The following RAVER2 variants were observed in gnomAD, a reference collection of about 807,000 sequenced individuals.
RAVER2 encodes ribonucleoprotein, PTB binding 2, also known as ribonucleoprotein PTB-binding 2.
Under a neutral mutation model 78.1 loss-of-function variants are expected in RAVER2, and 46 were observed. The ratio of observed to expected loss-of-function variants is 0.59; its 90% CI spans 0.46 to 0.75. The LOEUF (loss-of-function observed/expected upper bound fraction) is 0.75, where lower values mean the gene tolerates loss of function less well. RAVER2 is among the 30% of genes least tolerant of loss of function. The probability of loss-of-function intolerance (pLI) is 0.00; values close to 1 mark genes in which losing one functional copy is unlikely to be tolerated. For synonymous variants in RAVER2, 311 were observed against 313.3 expected, an observed-to-expected ratio of 0.99 and a Z score of 0.08; for missense variants, 793 against 837.5, an observed-to-expected ratio of 0.95 and a Z score of 0.66.
intron 1 of RAVER2, 137 bp from the exon 2 acceptor site, chr1:64,768,519 G>A (rs1004048187): frequency 1.6e-6 from 1 of 637,486 alleles, no homozygotes; most frequent in Admixed American, 3.1e-5. Context: ...TAAGTAATGG[G>A]GATCCATGAA....
chr1:64,831,546 G>A (rs932401391), exon 12 of RAVER2: 8 of 152,338 alleles, frequency 5.3e-5, no homozygotes, highest in Admixed American at 1.3e-4. Context: ...CGGTAAGAGA[G>A]TGACAGTGAT....
intron 5 of RAVER2, among the ~76,000 whole-genome samples, chr1:64,802,028 A>T (rs1653281863): frequency 6.6e-6 from 1 of 152,256 alleles, no homozygotes; most frequent in Non-Finnish European, 1.5e-5. Context: ...GGCAATTCCC[A>T]GAACTGAGGG....
At chr1:64,797,492 G>T (rs979296273) in intron 5 of RAVER2, among the ~76,000 whole-genome samples, 1 of 152,184 alleles carries the variant, frequency 6.6e-6, no homozygotes, top group Non-Finnish European at 1.5e-5. Context: ...ATACAGTGAT[G>T]ATATGAAAAA....
chr1:64,829,129 A>G (rs565941792), intron 11 of RAVER2, among the ~76,000 whole-genome samples: 61 of 152,346 alleles, frequency 4.0e-4, no homozygotes, highest in African/African-American at 1.3e-3. Flanking sequence ...GAATAAAAGA[A>G]TGTAATAAAT....
intron 5 of RAVER2, among the ~76,000 whole-genome samples, chr1:64,798,756 AAATT>A (rs1653174150): frequency 6.6e-6 from 1 of 151,720 alleles, no homozygotes; most frequent in African/African-American, 2.4e-5. Context: ...AATTTGAAAA[AAATT>A]AACTCCTCCA....
chr1:64,823,766 G>GTT (rs1301903112), intron 11 of RAVER2, among the ~76,000 whole-genome samples: 1 of 149,874 alleles, frequency 6.7e-6, no homozygotes, highest in Admixed American at 6.7e-5. Flanking sequence ...AATGTAAGAG[G>GTT]TTTTTCAGCT....
rs1467648005 is a variant in RAVER2, at chr1:64,805,117, G to A, written c.1411+12G>A. On this transcript the variant is annotated intron_variant, in intron 8 of 11. Transcript: ENST00000294428. ...AGAAGCACATAAAAGTAAATGATGT[G>A]TATTTACTGAGAAGTCAGTAAACAG... 4.4e-6 allele frequency: 7 copies of A among 1,590,822 alleles called. No homozygotes were observed. The highest frequency in any genetic ancestry group is 1.1e-5 in the South Asian group (1 of 90,464).
intron 5 of RAVER2, among the ~76,000 whole-genome samples, chr1:64,801,159 C>T (rs1653252096): frequency 6.6e-6 from 1 of 151,326 alleles, no homozygotes; most frequent in African/African-American, 2.4e-5. Context: ...AGTGTAATGG[C>T]GTGATCTCAG....
At chr1:64,805,087 C>T (rs369786642) in exon 8 of RAVER2, 65 of 1,613,566 alleles carry the variant, frequency 4.0e-5, no homozygotes, top group Non-Finnish European at 5.3e-5. Context: ...GGGACATCAT[C>T]ATGGAGAAGC....
chr1:64,793,608 T>A (rs916930686), intron 5 of RAVER2, among the ~76,000 whole-genome samples: 1 of 152,212 alleles, frequency 6.6e-6, no homozygotes, highest in Non-Finnish European at 1.5e-5. Context: ...GTATTTGAAG[T>A]GTATGAATTG....
intron 5 of RAVER2, among the ~76,000 whole-genome samples, chr1:64,791,986 A>G (rs1652955640): frequency 6.6e-6 from 1 of 152,196 alleles, no homozygotes; most frequent in Admixed American, 6.5e-5. Flanking sequence ...AGTAAAATAA[A>G]TTTTGAGCAG....
chr1:64,832,214 C>T (rs975375342), exon 12 of RAVER2: 5 of 152,588 alleles, frequency 3.3e-5, no homozygotes, highest in African/African-American at 1.2e-4. Flanking sequence ...GTCAATACTG[C>T]ACTTTCTGAT....
intron 4 of RAVER2, among the ~76,000 whole-genome samples, chr1:64,784,625 CTTAGACA>C (rs1652729626): frequency 6.6e-6 from 1 of 152,106 alleles, no homozygotes; most frequent in Non-Finnish European, 1.5e-5. Flanking sequence ...CCAAGGGATT[CTTAGACA>C]TTCCCACTTC....
chr1:64,768,570 G>T (rs751130483), intron 1 of RAVER2, 86 bp from the exon 2 acceptor site: 35 of 736,128 alleles, frequency 4.8e-5, no homozygotes, highest in Non-Finnish European at 7.7e-5. Flanking sequence ...GGTGGTAATG[G>T]TGGTGGTGGT....
chr1:64,806,112 C>T (rs1390571571), intron 8 of RAVER2, among the ~76,000 whole-genome samples: 1 of 152,128 alleles, frequency 6.6e-6, no homozygotes, highest in African/African-American at 2.4e-5. Flanking sequence ...AATGGTAAAT[C>T]TGACTTAGTT....
chr1:64,749,111 A>T (rs1351101255), intron 1 of RAVER2, among the ~76,000 whole-genome samples: 1 of 151,992 alleles, frequency 6.6e-6, no homozygotes, highest in Non-Finnish European at 1.5e-5. Context: ...AAGTGCTGGG[A>T]CCACAGTGTG....
intron 11 of RAVER2, among the ~76,000 whole-genome samples, chr1:64,819,441 G>C (rs1475034169): frequency 6.6e-6 from 1 of 151,982 alleles, no homozygotes; most frequent in Non-Finnish European, 1.5e-5. Context: ...GGAACACAAA[G>C]AAAAGAGATT....
chr1:64,824,759 G>A (rs753448144), intron 11 of RAVER2, among the ~76,000 whole-genome samples: 2 of 151,310 alleles, frequency 1.3e-5, no homozygotes, highest in Admixed American at 6.7e-5. Flanking sequence ...GCGAAACCCC[G>A]TCTCTACAGA....
At chr1:64,799,803 A>G (rs767065719) in intron 5 of RAVER2, among the ~76,000 whole-genome samples, 1 of 152,012 alleles carries the variant, frequency 6.6e-6, no homozygotes, top group African/African-American at 2.4e-5. Context: ...TGGTAGTTCT[A>G]TATTTGTTTT....
Sources: gnomAD v4.1 joint callset for allele counts (sites outside exome capture counted in the v4.1 genomes callset) on GRCh38, gnomAD v4.1.1 for gene constraint, MANE v1.5 for transcripts, NCBI Gene and HGNC (gene_info 2026-07-23, HGNC 2026-07-21) for gene names.